Variants in PRKN observed in about 807,000 individuals in gnomAD.
The protein encoded by PRKN is E3 ubiquitin-protein ligase parkin.
PRKN carries 56 observed loss-of-function variants against 59.5 expected under a neutral mutation model. The observed-to-expected ratio is 0.94, with a 90% confidence interval of 0.76 to 1.18. The LOEUF (loss-of-function observed/expected upper bound fraction) is 1.18, where lower values mean the gene tolerates loss of function less well. Ranked by LOEUF, PRKN falls within the 50% of genes most tolerant of loss-of-function variation. The pLI is 0.00. For synonymous variants in PRKN, 250 were observed against 222.1 expected (o/e 1.13, Z -1.12); for missense variants, 657 against 596.4 (o/e 1.10, Z -1.06).
intron 2 of PRKN, among the ~76,000 whole-genome samples, chr6:162,347,373 A>G (rs969417854): frequency 2.0e-5 from 3 of 151,730 alleles, no homozygotes; most frequent in Non-Finnish European, 4.4e-5. Context: ...CATTAATAAT[A>G]CCATCTAATT....
chr6:161,488,636 C>A lies in PRKN; in HGVS notation c.1083+60218G>T, dbSNP rs189342833. 3.9e-4 allele frequency among the ~76,000 whole-genome samples: 59 copies of A among 152,242 alleles called. No individual in the cohort carries two copies. The East Asian group carries it at 0.011, about 28-fold the overall frequency. ...GAGTAGGTGGGACTAAAGGCATGCA[C>A]CACCACACCTGGCTAATTTTTAAAA... On this transcript the variant is annotated intron_variant, in intron 9 of 11. Transcript: ENST00000366898. This position sits in a 1 kb window ranked among gnomAD's most constrained non-coding sequence, Gnocchi z 4.5.
intron 7 of PRKN, among the ~76,000 whole-genome samples, chr6:161,764,563 T>G (rs1789345426): frequency 6.6e-6 from 1 of 152,190 alleles, no homozygotes; most frequent in African/African-American, 2.4e-5. Flanking sequence ...ACTTCCAAGT[T>G]AAGGGAAAAT....
chr6:161,408,786 T>C (rs943206777), intron 9 of PRKN, among the ~76,000 whole-genome samples: 1 of 151,946 alleles, frequency 6.6e-6, no homozygotes, highest in African/African-American at 2.4e-5. Flanking sequence ...CACAATGACA[T>C]CTCTTTTCAT....
chr6:162,443,532 G>T, intron 1 of PRKN, 59 bp from the exon 2 acceptor site: 2 of 1,505,164 alleles, frequency 1.3e-6, no homozygotes, highest in Non-Finnish European at 1.9e-6. Flanking sequence ...GCCCTTAAAT[G>T]GTGATAGCAA....
chr6:161,664,636 G>C (rs1784660687), intron 7 of PRKN, among the ~76,000 whole-genome samples: 1 of 152,154 alleles, frequency 6.6e-6, no homozygotes, highest in Non-Finnish European at 1.5e-5. Flanking sequence ...ATGCTGGCTT[G>C]TCTATAAACT....
Position 162,487,871 on chromosome 6 carries a change from T to C in PRKN, c.8-44398A>G, listed in dbSNP as rs1238176335. 1.3e-5 allele frequency among the ~76,000 whole-genome samples: 2 copies of C among 151,804 alleles called. 1 individual carries two copies. Among genetic ancestry groups the C allele is most frequent in the Non-Finnish European group, 2.9e-5 (2 of 67,952 alleles). On this transcript the variant is annotated intron_variant, in intron 1 of 11. Transcript: ENST00000366898. ...TGGGAGGATCACTTGAGGCCAAGAG[T>C]TCCAGACCAGCCTGTGCAACAAAGT...
intron 1 of PRKN, among the ~76,000 whole-genome samples, chr6:162,546,899 TCTGA>T (rs1779143466): frequency 6.6e-6 from 1 of 152,162 alleles, no homozygotes; most frequent in African/African-American, 2.4e-5. Context: ...TTCCCTTGAT[TCTGA>T]CTTTTTTTCT....
chr6:161,427,879 A>G (rs1241587810), intron 9 of PRKN, among the ~76,000 whole-genome samples: 1 of 152,142 alleles, frequency 6.6e-6, no homozygotes, highest in Admixed American at 6.6e-5. Context: ...TTCTCAAGCA[A>G]ATCAGTCATG....
At chr6:161,611,376 T>C (rs1306291970) in intron 7 of PRKN, among the ~76,000 whole-genome samples, 2 of 152,224 alleles carry the variant, frequency 1.3e-5, no homozygotes, top group African/African-American at 2.4e-5. Flanking sequence ...TGAAGGTTTA[T>C]GGCAACCCTG....
chr6:162,540,136 G>A (rs1184139536), intron 1 of PRKN, among the ~76,000 whole-genome samples: 2 of 152,080 alleles, frequency 1.3e-5, no homozygotes, highest in Non-Finnish European at 1.5e-5. Flanking sequence ...AGCTGCTCTC[G>A]AACTCCTGAC....
chr6:162,245,243 A>G (rs1779150090), intron 3 of PRKN, among the ~76,000 whole-genome samples: 1 of 152,112 alleles, frequency 6.6e-6, no homozygotes, highest in Non-Finnish European at 1.5e-5. Context: ...CAGTGGAAAT[A>G]CAAAGAATTT....
intron 1 of PRKN, among the ~76,000 whole-genome samples, chr6:162,718,973 A>T (rs1206039571): frequency 6.6e-6 from 1 of 152,158 alleles, no homozygotes; most frequent in Non-Finnish European, 1.5e-5. Flanking sequence ...CACACGAGAA[A>T]GGGACAATGA....
chr6:162,036,959 G>C (rs1783873759), intron 5 of PRKN, among the ~76,000 whole-genome samples: 1 of 152,124 alleles, frequency 6.6e-6, no homozygotes, highest in Non-Finnish European at 1.5e-5. Flanking sequence ...TTTTACATGA[G>C]ATGTCATGTT....
intron 4 of PRKN, among the ~76,000 whole-genome samples, chr6:162,130,807 T>G (rs1781321486): frequency 6.6e-6 from 1 of 152,164 alleles, no homozygotes; most frequent in South Asian, 2.1e-4. Context: ...TTAAATTTTC[T>G]TATCTGTAAA....
intron 1 of PRKN, among the ~76,000 whole-genome samples, chr6:162,707,960 C>T (rs924389242): frequency 1.3e-5 from 2 of 152,062 alleles, no homozygotes; most frequent in Admixed American, 6.5e-5. Context: ...AGTGATCTGC[C>T]CACCTTGGCC....
intron 5 of PRKN, among the ~76,000 whole-genome samples, chr6:162,022,032 C>G (rs1025383151): frequency 4.0e-5 from 6 of 151,196 alleles, no homozygotes; most frequent in Non-Finnish European, 7.4e-5. Context: ...GGATTTTGAT[C>G]TTTTTTTTTG....
chr6:162,073,699 G>A (rs1778686318), intron 4 of PRKN, among the ~76,000 whole-genome samples: 1 of 152,188 alleles, frequency 6.6e-6, no homozygotes, highest in African/African-American at 2.4e-5. Context: ...CAACCTGCCT[G>A]CCTTGGCCTC....
intron 7 of PRKN, among the ~76,000 whole-genome samples, chr6:161,687,957 C>T (rs1785629389): frequency 6.6e-6 from 1 of 152,070 alleles, no homozygotes; most frequent in African/African-American, 2.4e-5. Context: ...TCCCTGCTAC[C>T]TCTTTAGTTT....
chr6:162,120,346 A>G (rs1423132629), intron 4 of PRKN, among the ~76,000 whole-genome samples: 2 of 152,166 alleles, frequency 1.3e-5, no homozygotes, highest in African/African-American at 4.8e-5. Context: ...ATGATTTCCT[A>G]TCACTAGACT....
Sources: gnomAD v4.1 joint callset for allele counts (sites outside exome capture counted in the v4.1 genomes callset) on GRCh38, gnomAD v4.1.1 for gene constraint, Gnocchi (gnomAD v3.1) non-coding constraint, MANE v1.5 for transcripts, NCBI Gene and HGNC (gene_info 2026-07-23, HGNC 2026-07-21) for gene names.